Variants in LRRC7 observed in about 807,000 individuals in gnomAD.
The protein encoded by LRRC7 is leucine-rich repeat-containing protein 7.
LRRC7 carries 23 observed loss-of-function variants against 175.7 expected under a neutral mutation model. The ratio of observed to expected loss-of-function variants is 0.13; its 90% confidence interval spans 0.09 to 0.19. The LOEUF (loss-of-function observed/expected upper bound fraction) is 0.19, where lower values mean the gene tolerates loss of function less well. Ranked by LOEUF, LRRC7 falls within the 10% of genes least tolerant of loss-of-function variation. LRRC7 has a pLI of 1.00. For missense variants in LRRC7, 1,354 were observed against 1,904.7 expected (o/e 0.71, Z 5.38); for synonymous variants, 685 against 680.9 (o/e 1.01, Z -0.09).
intron 10 of LRRC7, 61 bp from the exon 11 acceptor site, chr1:69,994,500 A>T: frequency 8.6e-7 from 1 of 1,156,780 alleles, no homozygotes; most frequent in Non-Finnish European, 1.3e-6. Flanking sequence ...GATTTCTTTT[A>T]TATCACATTT....
intron 5 of LRRC7, among the ~76,000 whole-genome samples, chr1:69,832,307 T>C (rs1191522867): frequency 6.6e-6 from 1 of 152,042 alleles, no homozygotes; most frequent in Non-Finnish European, 1.5e-5. Flanking sequence ...GGACATTAAT[T>C]CCATGGAACT....
chr1:69,686,371 A>G (rs547206361), intron 2 of LRRC7, among the ~76,000 whole-genome samples: 18 of 152,332 alleles, frequency 1.2e-4, no homozygotes, highest in Admixed American at 1.1e-3. Flanking sequence ...TCTTTACCTT[A>G]TGTTTCATGG....
chr1:69,980,602 AT>A (rs71733859), intron 9 of LRRC7, 149 bp downstream of exon 9: 36,677 of 445,442 alleles, frequency 0.082, 20 homozygotes, highest in Middle Eastern at 0.11. Flanking sequence ...TGTTTTCACC[AT>A]TTTTTTTTTT....
intron 7 of LRRC7, among the ~76,000 whole-genome samples, chr1:69,914,417 C>G (rs566598245): frequency 3.9e-5 from 6 of 152,176 alleles, no homozygotes; most frequent in Non-Finnish European, 7.3e-5. Context: ...TATTTTCCAG[C>G]TTTGCAATCG....
In LRRC7 at chr1:70,132,872, G is replaced by C. The variant is rs1262564046; in HGVS notation, c.*10985G>C. ...ATTGTCCTATCATAAGACAGAAAGG[G>C]ACCTTGAGAGGATCTGGTTCATTTG... On this transcript the variant is annotated 3_prime_UTR_variant, in exon 27 of 27. Coordinates refer to ENST00000651989, the MANE Select transcript of LRRC7 (RefSeq NM_001370785.2). Among the ~76,000 whole-genome samples the C allele has an allele frequency of 6.6e-6, 1 of 152,124 alleles. No individual in the cohort carries two copies. Among genetic ancestry groups the C allele is most frequent in the Non-Finnish European group, 1.5e-5 (1 of 68,022 alleles).
chr1:69,758,497 AT>A (rs1175144274), intron 2 of LRRC7, among the ~76,000 whole-genome samples: 4 of 151,778 alleles, frequency 2.6e-5, no homozygotes, highest in Admixed American at 6.6e-5. Context: ...GCCTCCAAAT[AT>A]TTTTTTCTTC....
chr1:69,655,500 A>C (rs1557552481), intron 1 of LRRC7, among the ~76,000 whole-genome samples: 1 of 151,966 alleles, frequency 6.6e-6, no homozygotes, highest in Non-Finnish European at 1.5e-5. Context: ...AGCCAACAGA[A>C]CCTGTCTTCT....
At chr1:69,750,113 G>C (rs998125318) in intron 2 of LRRC7, among the ~76,000 whole-genome samples, 1 of 93,984 alleles carries the variant, frequency 1.1e-5, no homozygotes, top group Non-Finnish European at 2.3e-5. Context: ...TGAAAAGTGA[G>C]GTTAAAGAGA....
At chr1:69,726,605 T>C (rs1667007695) in intron 2 of LRRC7, among the ~76,000 whole-genome samples, 1 of 152,104 alleles carries the variant, frequency 6.6e-6, no homozygotes, top group African/African-American at 2.4e-5. Flanking sequence ...GCTAAAGATG[T>C]GGATTCAGGA....
chr1:69,906,242 G>C (rs1646306293), intron 7 of LRRC7, among the ~76,000 whole-genome samples: 1 of 152,124 alleles, frequency 6.6e-6, no homozygotes, highest in Non-Finnish European at 1.5e-5. Flanking sequence ...TTCTTTTGCT[G>C]TGCAGAAGCT....
chr1:70,117,461 T>C (rs1665936717), intron 26 of LRRC7, among the ~76,000 whole-genome samples: 1 of 152,168 alleles, frequency 6.6e-6, no homozygotes, highest in Non-Finnish European at 1.5e-5. Flanking sequence ...ATTGCAAAGC[T>C]CTACTTTTTG....
At chr1:69,751,355 A>T (rs1669824687) in intron 2 of LRRC7, among the ~76,000 whole-genome samples, 1 of 152,144 alleles carries the variant, frequency 6.6e-6, no homozygotes. Context: ...GAAATAGTGT[A>T]CTTTTGTGCA....
At chr1:69,853,230 A>G (rs573760128) in intron 7 of LRRC7, among the ~76,000 whole-genome samples, 49 of 150,578 alleles carry the variant, frequency 3.3e-4, no homozygotes, top group Non-Finnish European at 6.2e-4. Flanking sequence ...TCTTAATAAG[A>G]AATTAGCACC....
At chr1:69,898,039 T>G (rs1001099706) in intron 7 of LRRC7, among the ~76,000 whole-genome samples, 12 of 152,208 alleles carry the variant, frequency 7.9e-5, no homozygotes, top group African/African-American at 2.9e-4. Context: ...GAAAATTAAC[T>G]GAAGCCTTGA....
At chr1:70,067,832 G>T (rs1351376079) in intron 23 of LRRC7, among the ~76,000 whole-genome samples, 12 of 151,994 alleles carry the variant, frequency 7.9e-5, no homozygotes, top group Non-Finnish European at 1.6e-4. Flanking sequence ...TTTTATACAA[G>T]CTTTGCTTAA....
At chr1:69,882,893 T>C (rs1686780885) in intron 7 of LRRC7, among the ~76,000 whole-genome samples, 1 of 151,680 alleles carries the variant, frequency 6.6e-6, no homozygotes, top group South Asian at 2.1e-4. Context: ...GATAGTTTAC[T>C]GAGAATGATG....
intron 2 of LRRC7, among the ~76,000 whole-genome samples, chr1:69,737,253 T>C (rs1364092940): frequency 1.3e-5 from 2 of 152,036 alleles, no homozygotes; most frequent in Non-Finnish European, 2.9e-5. Flanking sequence ...GGTAATTGAA[T>C]CATGCCAATG....
intron 4 of LRRC7, among the ~76,000 whole-genome samples, chr1:69,822,341 C>T (rs571408630): frequency 1.3e-5 from 2 of 152,284 alleles, no homozygotes; most frequent in East Asian, 3.9e-4. Flanking sequence ...AAGGAGCTAG[C>T]TACAGTTATA....
intron 23 of LRRC7, among the ~76,000 whole-genome samples, chr1:70,066,008 A>G (rs966771591): frequency 3.9e-5 from 6 of 152,014 alleles, no homozygotes; most frequent in African/African-American, 1.4e-4. Flanking sequence ...TACTTGACTC[A>G]GACTGTTGCT....
Sources: gnomAD v4.1 joint callset for allele counts (sites outside exome capture counted in the v4.1 genomes callset) on GRCh38, gnomAD v4.1.1 for gene constraint, MANE v1.5 for transcripts, NCBI Gene and HGNC (gene_info 2026-07-23, HGNC 2026-07-21) for gene names.